Variants in ERBB4 observed in about 807,000 individuals in gnomAD.
The protein encoded by ERBB4 is erb-b2 receptor tyrosine kinase 4.
In ERBB4, 42 loss-of-function variants were observed where a neutral mutation model predicts 158.0. The observed-to-expected ratio is 0.27, with a 90% CI of 0.21 to 0.34. The LOEUF is 0.34. ERBB4 is among the 10% of genes least tolerant of loss of function. ERBB4 has a pLI of 1.00. For missense variants in ERBB4, 1,333 were observed against 1,624.1 expected (o/e 0.82, Z 3.08); for synonymous variants, 583 against 558.7 (o/e 1.04, Z -0.61).
At chr2:211,990,687 C>A (rs1373393629) in intron 2 of ERBB4, among the ~76,000 whole-genome samples, 1 of 151,890 alleles carries the variant, frequency 6.6e-6, no homozygotes, top group African/African-American at 2.4e-5. Flanking sequence ...TGATTTGCTT[C>A]TTGGATGCTC....
intron 1 of ERBB4, among the ~76,000 whole-genome samples, chr2:212,438,884 T>C (rs770426188): frequency 2.0e-5 from 3 of 152,084 alleles, no homozygotes; most frequent in Non-Finnish European, 2.9e-5. Context: ...GACAGACAAA[T>C]AGAATAAAGA....
At chr2:212,094,204 A>T (rs1345373266) in intron 2 of ERBB4, among the ~76,000 whole-genome samples, 1 of 151,696 alleles carries the variant, frequency 6.6e-6, no homozygotes, top group East Asian at 1.9e-4. Context: ...TGTGGTCATG[A>T]GTTCATGTGA....
chr2:211,942,218 AC>A (rs1367634644), intron 3 of ERBB4, among the ~76,000 whole-genome samples: 2 of 152,198 alleles, frequency 1.3e-5, no homozygotes, highest in Admixed American at 6.6e-5. Context: ...TGGATGTACT[AC>A]TTAAATTAAT....
intron 1 of ERBB4, among the ~76,000 whole-genome samples, chr2:212,391,640 A>AT (rs1374432349): frequency 9.4e-6 from 1 of 106,742 alleles, no homozygotes; most frequent in Non-Finnish European, 1.9e-5. Context: ...ATATTGACAT[A>AT]TAATATTATA....
chr2:211,811,392 C>T (rs1023529063), intron 3 of ERBB4, among the ~76,000 whole-genome samples: 2 of 152,200 alleles, frequency 1.3e-5, no homozygotes, highest in African/African-American at 4.8e-5. Flanking sequence ...CGCTGCTAGG[C>T]TGATGGGCTT....
At chr2:212,357,021 AT>A (rs527634048) in intron 1 of ERBB4, among the ~76,000 whole-genome samples, 183 of 152,006 alleles carry the variant, frequency 1.2e-3, no homozygotes, top group Non-Finnish European at 2.1e-3. Context: ...GATCATTTGA[AT>A]TTTAACATAT....
At chr2:211,961,910 T>A (rs571877890) in intron 2 of ERBB4, among the ~76,000 whole-genome samples, 2 of 152,232 alleles carry the variant, frequency 1.3e-5, no homozygotes, top group African/African-American at 4.8e-5. Context: ...CAAGTTATAG[T>A]GTCCAGGGAT....
chr2:212,277,506 G>T (rs546094713), intron 1 of ERBB4, among the ~76,000 whole-genome samples: 3 of 151,750 alleles, frequency 2.0e-5, no homozygotes, highest in African/African-American at 7.2e-5. Flanking sequence ...AGGGCCTAGT[G>T]TAGAGTCTGA....
chr2:211,766,967 A>T (rs1575115678), intron 4 of ERBB4, among the ~76,000 whole-genome samples: 1 of 152,120 alleles, frequency 6.6e-6, no homozygotes, highest in South Asian at 2.1e-4. Context: ...CTGTTTGGTC[A>T]CCTTCCAACA....
At chr2:212,450,279 T>A (rs1346830103) in intron 1 of ERBB4, among the ~76,000 whole-genome samples, 1 of 152,194 alleles carries the variant, frequency 6.6e-6, no homozygotes, top group Non-Finnish European at 1.5e-5. Flanking sequence ...AATATGTGAC[T>A]ATATTAACTT....
chr2:212,132,618 A>T (rs2080139654), intron 1 of ERBB4, among the ~76,000 whole-genome samples: 1 of 152,044 alleles, frequency 6.6e-6, no homozygotes, highest in Non-Finnish European at 1.5e-5. Context: ...TTCATATCCA[A>T]ACTGGAATCT....
At chr2:211,800,438 C>T (rs2076473550) in intron 3 of ERBB4, among the ~76,000 whole-genome samples, 1 of 151,920 alleles carries the variant, frequency 6.6e-6, no homozygotes, top group Admixed American at 6.6e-5. Flanking sequence ...CTGTGCTCTC[C>T]CCATTGTAGA....
At chr2:212,028,202 A>AC (rs2076818890) in intron 2 of ERBB4, among the ~76,000 whole-genome samples, 1 of 152,086 alleles carries the variant, frequency 6.6e-6, no homozygotes, top group African/African-American at 2.4e-5. Flanking sequence ...CAATCATGTG[A>AC]CACACCAAAG....
chr2:211,641,382 C>A (rs946551340), intron 16 of ERBB4, among the ~76,000 whole-genome samples: 7 of 151,792 alleles, frequency 4.6e-5, no homozygotes, highest in African/African-American at 1.5e-4. Context: ...TTTTACTGAC[C>A]TTTTGAGATC....
intron 14 of ERBB4, among the ~76,000 whole-genome samples, chr2:211,665,723 T>C (rs2071606793): frequency 6.6e-6 from 1 of 152,224 alleles, no homozygotes; most frequent in Non-Finnish European, 1.5e-5. Flanking sequence ...GTATTTGTGC[T>C]TGAAATATTT....
chr2:211,947,602 G>T lies in ERBB4; in HGVS notation c.249C>A (p.Val83=). ...DLSFLRSVRE[V]TGYVLVALNQ... ...TAAGAGCCACTAACACGTAGCCTGT[G>T]ACTTCTCGAACAGACTGAAAAGACA... Residue 83 remains valine, a synonymous_variant, in exon 3 of 28, where the codon GTC becomes GTA. Transcript: ENST00000342788. The T allele has an allele frequency of 6.2e-7, 1 of 1,613,498 alleles. No homozygotes were observed. Among genetic ancestry groups the T allele is most frequent in the Non-Finnish European group, 8.5e-7 (1 of 1,179,760 alleles).
chr2:211,502,827 A>G (rs962975784), intron 20 of ERBB4, among the ~76,000 whole-genome samples: 8 of 152,140 alleles, frequency 5.3e-5, no homozygotes, highest in South Asian at 2.1e-4. Context: ...ATTTTTCCTG[A>G]ATAAGAAGAT....
intron 2 of ERBB4, among the ~76,000 whole-genome samples, chr2:212,099,954 T>C (rs991762291): frequency 6.6e-6 from 1 of 152,142 alleles, no homozygotes; most frequent in Admixed American, 6.6e-5. Context: ...AGCAAATCTA[T>C]GCATGCATGC....
chr2:211,652,429 A>C lies in ERBB4; in HGVS notation c.1946+5325T>G, dbSNP rs2071026769. On this transcript the variant is annotated intron_variant, in intron 16 of 27. Transcript: ENST00000342788. Reference sequence around the variant, plus strand: ...TGCCACTCATCTAAGGTAACGATCTATGGATGATTTTGACTGTTTGATTTG... The same window carrying C: ...TGCCACTCATCTAAGGTAACGATCTCTGGATGATTTTGACTGTTTGATTTG... Among the ~76,000 whole-genome samples, 4 of 152,172 alleles carry C rather than the reference A, an allele frequency of 2.6e-5. No individual in the cohort carries two copies. The South Asian group carries it at 8.3e-4, about 31-fold the overall frequency.
Sources: allele counts gnomAD v4.1 joint callset (sites outside exome capture counted in the v4.1 genomes callset), GRCh38; gene constraint gnomAD v4.1.1; transcripts MANE v1.5; gene names NCBI Gene and HGNC (gene_info 2026-07-23, HGNC 2026-07-21).